The following SGK3 variants were observed in gnomAD, a reference collection of about 807,000 sequenced individuals.
SGK3 encodes serine/threonine-protein kinase Sgk3.
Under a neutral mutation model 68.5 loss-of-function variants are expected in SGK3, and 47 were observed. That is an observed-to-expected ratio of 0.69 (90% confidence interval 0.54 to 0.87). SGK3 has a LOEUF of 0.87. SGK3 is among the 40% of genes least tolerant of loss of function. SGK3 has a pLI of 0.00. For synonymous variants in SGK3, 181 were observed against 189.1 expected, an observed-to-expected ratio of 0.96 and a Z score of 0.35; for missense variants, 479 against 575.5, an observed-to-expected ratio of 0.83 and a Z score of 1.72.
chr8:66,793,551 G>A (rs1563630433), intron 1 of SGK3, 65 bp from the exon 2 acceptor site: 2 of 509,040 alleles, frequency 3.9e-6, no homozygotes, highest in Non-Finnish European at 7.0e-6. Flanking sequence ...CATGCTTAAA[G>A]AATGACAGTC....
In SGK3 at chr8:66,800,750, ATAC is replaced by A. The variant is rs138882210; in HGVS notation, c.180+2129_180+2131del. 7.3e-3 allele frequency among the ~76,000 whole-genome samples: 1,105 copies of A among 152,342 alleles called. 7 individuals carry two copies. The highest frequency in any genetic ancestry group is 0.014 in the Middle Eastern group (4 of 294). On this transcript the variant is annotated intron_variant, in intron 3 of 16. Coordinates refer to ENST00000521198, the MANE Select transcript of SGK3 (RefSeq NM_001033578.3). ...ACTTGAAATTGAATTTCTGAAGATA[ATAC>A]TACAATTTAAAAATATTTATTTTTG... is the stretch of plus-strand genomic sequence containing the variant.
intron 1 of SGK3, among the ~76,000 whole-genome samples, chr8:66,776,737 C>T (rs917103425): frequency 5.3e-5 from 8 of 152,176 alleles, no homozygotes; most frequent in African/African-American, 1.9e-4. Context: ...CACTATCCTG[C>T]TTGGTAGCTT....
chr8:66,817,235 A>G (rs935182143), intron 5 of SGK3, among the ~76,000 whole-genome samples: 1 of 152,060 alleles, frequency 6.6e-6, no homozygotes, highest in Non-Finnish European at 1.5e-5. Flanking sequence ...GATGGAGACC[A>G]TCCTGGCCAA....
In SGK3 at chr8:66,859,917, G is replaced by GT. The variant is rs757817309; in HGVS notation, c.*342dup. 2.7e-4 allele frequency: 48 copies of GT among 174,576 alleles called. No homozygotes were observed. Among genetic ancestry groups the GT allele is most frequent in the Non-Finnish European group, 5.1e-4 (42 of 82,046 alleles). 10.8% of individuals were successfully genotyped at this position (174,576 alleles called of 1,614,324 possible). A position where few individuals can be genotyped will look rare whatever the true frequency, so the allele number is the denominator to read the frequency against. Reference sequence around the variant, plus strand: ...CACTAACATCTACCCAAGATAGACTGTTTTTTAACAGTCAATTTCAGTTCA... The same window carrying GT: ...CACTAACATCTACCCAAGATAGACTGTTTTTTTAACAGTCAATTTCAGTTCA... On this transcript the variant is annotated 3_prime_UTR_variant, in exon 17 of 17. Transcript: ENST00000521198.
intron 5 of SGK3, among the ~76,000 whole-genome samples, chr8:66,818,949 A>G (rs1044138013): frequency 4.6e-5 from 7 of 152,218 alleles, no homozygotes; most frequent in African/African-American, 1.7e-4. Context: ...GAGTATATGT[A>G]TGTGTTTAAC....
At chr8:66,729,735 T>TTATATTTATTTATTTA (rs149985419) in intron 1 of SGK3, among the ~76,000 whole-genome samples, 1,989 of 150,992 alleles carry the variant, frequency 0.013, 34 homozygotes, top group African/African-American at 0.044. Context: ...ATTTATTTAT[T>TTATATTTATTTATTTA]TTTATTTATT....
intron 1 of SGK3, among the ~76,000 whole-genome samples, chr8:66,774,187 G>C (rs1465913504): frequency 1.3e-5 from 2 of 152,158 alleles, no homozygotes; most frequent in African/African-American, 4.8e-5. Flanking sequence ...GAGGACTTCA[G>C]ATATTGTGAC....
At chr8:66,840,815 G>A (rs574800773) in intron 12 of SGK3, 13 of 317,944 alleles carry the variant, frequency 4.1e-5, no homozygotes, top group East Asian at 2.6e-4. Context: ...GGTGGCACGC[G>A]CCTGTGGTCC....
At chr8:66,809,621 C>G (rs1585748830) in intron 4 of SGK3, among the ~76,000 whole-genome samples, 1 of 151,816 alleles carries the variant, frequency 6.6e-6, no homozygotes, top group South Asian at 2.1e-4. Context: ...ATTAAAAAAT[C>G]AAGGATTTAT....
intron 1 of SGK3, among the ~76,000 whole-genome samples, chr8:66,744,840 G>A (rs1223887791): frequency 6.6e-6 from 1 of 150,618 alleles, no homozygotes; most frequent in African/African-American, 2.4e-5. Flanking sequence ...TTAGTTGTGT[G>A]TGGGACCTTT....
At chr8:66,722,318 T>C (rs1804817250) in intron 1 of SGK3, among the ~76,000 whole-genome samples, 1 of 152,264 alleles carries the variant, frequency 6.6e-6, no homozygotes, top group Non-Finnish European at 1.5e-5. Flanking sequence ...AGTCTCACTC[T>C]GTCACAGAGG....
chr8:66,764,787 G>A (rs1205045692), intron 1 of SGK3, among the ~76,000 whole-genome samples: 1 of 152,160 alleles, frequency 6.6e-6, no homozygotes, highest in Admixed American at 6.5e-5. Flanking sequence ...AAATAAACCA[G>A]ACACCAGAGG....
At chr8:66,823,900 A>T (rs1257085196) in intron 6 of SGK3, among the ~76,000 whole-genome samples, 1 of 152,200 alleles carries the variant, frequency 6.6e-6, no homozygotes, top group African/African-American at 2.4e-5. Flanking sequence ...TTAAACAACT[A>T]TTATTAAATA....
intron 2 of SGK3, 27 bp downstream of exon 2, chr8:66,793,859 GA>G (rs775028323): frequency 3.1e-6 from 5 of 1,599,486 alleles, no homozygotes; most frequent in Non-Finnish European, 4.3e-6. Flanking sequence ...AAGCATGTGG[GA>G]AAAAAGTTGA....
At chr8:66,774,708 G>T (rs1806625094) in intron 1 of SGK3, among the ~76,000 whole-genome samples, 1 of 152,052 alleles carries the variant, frequency 6.6e-6, no homozygotes, top group Non-Finnish European at 1.5e-5. Flanking sequence ...ACTGGGAGCC[G>T]ACTCCCCAAT....
chr8:66,720,382 C>G (rs928184851), intron 1 of SGK3, among the ~76,000 whole-genome samples: 1 of 152,140 alleles, frequency 6.6e-6, no homozygotes, highest in African/African-American at 2.4e-5. Context: ...CCCGTAACCC[C>G]AGCACTTTTA....
At chr8:66,858,828 T>A (rs1295489497) in intron 16 of SGK3, among the ~76,000 whole-genome samples, 1 of 152,148 alleles carries the variant, frequency 6.6e-6, no homozygotes, top group Non-Finnish European at 1.5e-5. Flanking sequence ...TTGTTAATGT[T>A]GGTGAGTGTG....
At position 66,776,314 on chromosome 8, in the gene SGK3, T is replaced by G. The variant is rs992716200; in HGVS notation, c.-121-17302T>G. 2.0e-5 allele frequency among the ~76,000 whole-genome samples: 3 copies of G among 152,230 alleles called. No homozygotes were observed. The East Asian group carries it at 5.8e-4, about 29-fold the overall frequency. The stretch of plus-strand genomic sequence containing the variant: ...AAAGAGGCAGCGCCTTTAAGGTGAA[T>G]GTAGCCTCATTTTAAGCACCAAGTT... On this transcript the variant is annotated intron_variant, in intron 1 of 16. Coordinates refer to ENST00000521198, the MANE Select transcript of SGK3 (RefSeq NM_001033578.3).
chr8:66,739,380 A>AATTT lies in SGK3; in HGVS notation c.-122+26572_-122+26575dup, dbSNP rs112309297. Among the ~76,000 whole-genome samples, 571 of 151,304 alleles carry AATTT rather than the reference A, an allele frequency of 3.8e-3. 3 individuals carry two copies. The highest frequency in any genetic ancestry group is 5.6e-3 in the Non-Finnish European group (380 of 67,896). On this transcript the variant is annotated intron_variant, in intron 1 of 16. Transcript: ENST00000521198. ...GCAAGAACTCACTCAATACCACACAAATTTATTTATTTATTTATTTATTTA... is the reference window on the plus strand; with the variant it reads ...GCAAGAACTCACTCAATACCACACAAATTTATTTATTTATTTATTTATTTATTTA...
Sources: gnomAD v4.1 joint callset for allele counts (sites outside exome capture counted in the v4.1 genomes callset) on GRCh38, gnomAD v4.1.1 for gene constraint, MANE v1.5 for transcripts, NCBI Gene and HGNC (gene_info 2026-07-23, HGNC 2026-07-21) for gene names.